DYM: variants seen among roughly 807,000 people sequenced by gnomAD.
DYM encodes dymeclin.
A neutral mutation model predicts 93.1 loss-of-function variants in DYM; 78 were observed. The ratio of observed to expected loss-of-function variants is 0.84; its 90% confidence interval spans 0.70 to 1.01. DYM has a LOEUF of 1.01. Among genes scored for constraint, DYM ranks in the 50% least tolerant of loss-of-function variants. DYM has a pLI of 0.00. For synonymous variants in DYM, 321 were observed against 319.7 expected (o/e 1.00, Z -0.04); for missense variants, 789 against 845.0 (o/e 0.93, Z 0.82).
intron 14 of DYM, among the ~76,000 whole-genome samples, chr18:49,177,778 A>C (rs1407409505): frequency 6.6e-6 from 1 of 152,154 alleles, no homozygotes; most frequent in African/African-American, 2.4e-5. Flanking sequence ...TCAAGGGCAC[A>C]GATGTCCATT....
intron 11 of DYM, among the ~76,000 whole-genome samples, chr18:49,261,411 C>T (rs2094488310): frequency 6.6e-6 from 1 of 152,218 alleles, no homozygotes; most frequent in African/African-American, 2.4e-5. Flanking sequence ...AGGCTCACGC[C>T]TGTAATCCCA....
At chr18:49,439,701 A>G (rs2081161412) in intron 1 of DYM, among the ~76,000 whole-genome samples, 1 of 152,204 alleles carries the variant, frequency 6.6e-6, no homozygotes, top group Non-Finnish European at 1.5e-5. Context: ...ACTAGTAAAC[A>G]TTAAAAAATA....
chr18:49,187,065 G>A lies in DYM; in HGVS notation c.1625+22486C>T, dbSNP rs373651810. Reference sequence around the variant, plus strand: ...CGTCCGAGTAGCTGGGACTATAGGCGCCTGCCACCACACCCAGCTAATTTT... The same window carrying A: ...CGTCCGAGTAGCTGGGACTATAGGCACCTGCCACCACACCCAGCTAATTTT... On this transcript the variant is annotated intron_variant, in intron 14 of 17. Coordinates refer to ENST00000675505, the MANE Select transcript of DYM (RefSeq NM_001353214.3). Among the ~76,000 whole-genome samples, 24 of 151,850 alleles carry A rather than the reference G, an allele frequency of 1.6e-4. No individual in the cohort carries two copies. The South Asian group carries it at 4.6e-3, about 29-fold the overall frequency.
chr18:49,198,398 A>C (rs943407887), intron 14 of DYM, among the ~76,000 whole-genome samples: 19 of 152,158 alleles, frequency 1.2e-4, no homozygotes, highest in Non-Finnish European at 2.6e-4. Context: ...AATTCAACTA[A>C]AGAGCTTCTG....
chr18:49,407,037 C>G (rs2071574810), intron 2 of DYM, among the ~76,000 whole-genome samples: 1 of 152,156 alleles, frequency 6.6e-6, no homozygotes, highest in Non-Finnish European at 1.5e-5. Flanking sequence ...CAAGTGAGAT[C>G]CATAACAACT....
intron 5 of DYM, among the ~76,000 whole-genome samples, chr18:49,375,022 C>T (rs1040115222): frequency 6.6e-6 from 1 of 151,726 alleles, no homozygotes; most frequent in African/African-American, 2.4e-5. Context: ...ACAGGAATTA[C>T]TTCAGAGTAG....
intron 6 of DYM, among the ~76,000 whole-genome samples, chr18:49,338,741 T>C (rs2063854378): frequency 6.6e-6 from 1 of 152,190 alleles, no homozygotes; most frequent in African/African-American, 2.4e-5. Flanking sequence ...CCTTACAACA[T>C]ACTCAAGACC....
chr18:49,079,557 C>T (rs1020710794), intron 17 of DYM, among the ~76,000 whole-genome samples: 9 of 151,932 alleles, frequency 5.9e-5, no homozygotes, highest in African/African-American at 9.7e-5. Flanking sequence ...TGCGGCCTTC[C>T]GCAGTGTTTG....
At chr18:49,288,784 AAAAACAAAAAAC>A (rs1304064476) in intron 8 of DYM, among the ~76,000 whole-genome samples, 2 of 152,140 alleles carry the variant, frequency 1.3e-5, no homozygotes, top group Non-Finnish European at 2.9e-5. Context: ...TGTCTCAAAA[AAAAACAAAAAAC>A]AAAACAAAAA....
At chr18:49,319,935 T>G (rs1057351184) in intron 8 of DYM, among the ~76,000 whole-genome samples, 2 of 152,174 alleles carry the variant, frequency 1.3e-5, no homozygotes, top group Non-Finnish European at 2.9e-5. Context: ...TGTCCAATTG[T>G]GTTTGACAGG....
At chr18:49,308,771 G>T (rs776028932) in intron 8 of DYM, among the ~76,000 whole-genome samples, 1 of 152,026 alleles carries the variant, frequency 6.6e-6, no homozygotes, top group Non-Finnish European at 1.5e-5. Context: ...CTCACTGTGG[G>T]GTCTCTGGCA....
rs1296903627 is a variant in DYM at position 49,041,569 on chromosome 18, G to T, written c.*2486C>A. 1 of 152,268 alleles carries T rather than the reference G, an allele frequency of 6.6e-6. No individual in the cohort carries two copies. Among genetic ancestry groups the T allele is most frequent in the Non-Finnish European group, 1.5e-5 (1 of 68,048 alleles). 9.4% of individuals were successfully genotyped at this position (152,268 alleles called of 1,614,324 possible). A position where few individuals can be genotyped will look rare whatever the true frequency, so the allele number is the denominator to read the frequency against. ...GACTTTGCAGAGCTGAGGCAGTGAT[G>T]CACGTGGTGGGGCCTCCCTCCTGAG... On this transcript the variant is annotated 3_prime_UTR_variant, in exon 18 of 18. Coordinates refer to ENST00000675505, the MANE Select transcript of DYM (RefSeq NM_001353214.3).
intron 1 of DYM, among the ~76,000 whole-genome samples, chr18:49,440,500 T>C (rs1278281451): frequency 1.3e-5 from 1 of 75,768 alleles, no homozygotes; most frequent in Non-Finnish European, 2.3e-5. Flanking sequence ...ATATAATATA[T>C]GACTATATAT....
chr18:49,356,687 C>T (rs1182746402), intron 6 of DYM, among the ~76,000 whole-genome samples: 2 of 152,148 alleles, frequency 1.3e-5, no homozygotes, highest in African/African-American at 4.8e-5. Context: ...CATAAAGAAA[C>T]CATTTATGAC....
chr18:49,241,255 G>A (rs559463334), intron 13 of DYM, among the ~76,000 whole-genome samples: 70 of 152,300 alleles, frequency 4.6e-4, no homozygotes, highest in Admixed American at 1.3e-3. Flanking sequence ...TAAGGTAGAT[G>A]ATGTCTGCCT....
At chr18:49,088,036 T>C (rs1342594949) in intron 17 of DYM, among the ~76,000 whole-genome samples, 5 of 152,064 alleles carry the variant, frequency 3.3e-5, no homozygotes, top group Admixed American at 1.3e-4. Context: ...GATGAGTAGA[T>C]TGCAAAAATT....
chr18:49,392,868 G>T (rs932465257), intron 2 of DYM, among the ~76,000 whole-genome samples: 2 of 150,774 alleles, frequency 1.3e-5, no homozygotes, highest in African/African-American at 2.4e-5. Flanking sequence ...GGTGGTACAC[G>T]CCTGTGATCC....
chr18:49,335,727 A>G (rs951232864), intron 6 of DYM, among the ~76,000 whole-genome samples: 1 of 152,214 alleles, frequency 6.6e-6, no homozygotes, highest in Non-Finnish European at 1.5e-5. Context: ...AAATCCTGAC[A>G]TAACAAATAC....
intron 13 of DYM, among the ~76,000 whole-genome samples, chr18:49,254,044 C>T (rs2145052200): frequency 6.6e-6 from 1 of 151,772 alleles, no homozygotes; most frequent in East Asian, 1.9e-4. Flanking sequence ...CACCATAGTC[C>T]CTCTCTTGTT....
Sources: gnomAD v4.1 joint callset for allele counts (sites outside exome capture counted in the v4.1 genomes callset) on GRCh38, gnomAD v4.1.1 for gene constraint, MANE v1.5 for transcripts, NCBI Gene and HGNC (gene_info 2026-07-23, HGNC 2026-07-21) for gene names.